The following DIAPH3 variants were observed in gnomAD, a reference collection of about 807,000 sequenced individuals.
DIAPH3 encodes protein diaphanous homolog 3.
In DIAPH3, 117 loss-of-function variants were observed where a neutral mutation model predicts 144.3. The observed-to-expected ratio is 0.81, with a 90% confidence interval of 0.70 to 0.95. DIAPH3 has a LOEUF of 0.95. Among genes scored for constraint, DIAPH3 ranks in the 40% least tolerant of loss-of-function variants. DIAPH3 has a pLI of 0.00. For synonymous variants in DIAPH3, 519 were observed against 488.9 expected, an observed-to-expected ratio of 1.06 and a Z score of -0.81; for missense variants, 1,421 against 1,412.7, an observed-to-expected ratio of 1.01 and a Z score of -0.09.
intron 2 of DIAPH3, among the ~76,000 whole-genome samples, chr13:60,113,760 AGTTAAACAAG>A (rs1351975450): frequency 6.6e-6 from 1 of 152,244 alleles, no homozygotes; most frequent in Non-Finnish European, 1.5e-5. Flanking sequence ...AAGAAGAATA[AGTTAAACAAG>A]GGTAAAGAAA....
chr13:60,138,785 G>GGGGAAGAGGGAAGA (rs57143670), intron 1 of DIAPH3, among the ~76,000 whole-genome samples: 27 of 76,038 alleles, frequency 3.6e-4, no homozygotes, highest in East Asian at 1.6e-3. Flanking sequence ...AGGAGAAGAA[G>GGGGAAGAGGGAAGA]GGGAAGAGGG....
intron 9 of DIAPH3, among the ~76,000 whole-genome samples, chr13:60,006,975 T>A (rs577247600): frequency 2.2e-4 from 33 of 152,242 alleles, no homozygotes; most frequent in African/African-American, 7.9e-4. Flanking sequence ...AACATAGGGT[T>A]CCTCACTGGC....
chr13:60,080,647 T>C (rs1183631983), intron 4 of DIAPH3, among the ~76,000 whole-genome samples: 2 of 151,964 alleles, frequency 1.3e-5, no homozygotes, highest in African/African-American at 4.8e-5. Flanking sequence ...TCATTTTTTT[T>C]CTTAAAAATG....
At chr13:60,010,835 G>C (rs2053197952) in intron 7 of DIAPH3, among the ~76,000 whole-genome samples, 166 bp from the exon 8 acceptor site, 1 of 152,144 alleles carries the variant, frequency 6.6e-6, no homozygotes, top group East Asian at 1.9e-4. Context: ...GCTGGGCACG[G>C]TGGTTCACGC....
chr13:60,091,885 C>G (rs1364434173), intron 4 of DIAPH3, among the ~76,000 whole-genome samples: 1 of 151,830 alleles, frequency 6.6e-6, no homozygotes, highest in Admixed American at 6.6e-5. Context: ...CTCTGTCACC[C>G]AGGCTGGAGT....
chr13:59,937,659 A>C (rs1446564793), intron 17 of DIAPH3, among the ~76,000 whole-genome samples: 1 of 152,200 alleles, frequency 6.6e-6, no homozygotes, highest in Admixed American at 6.5e-5. Context: ...GATCTGACAC[A>C]AAAATGACCA....
intron 18 of DIAPH3, among the ~76,000 whole-genome samples, chr13:59,918,384 G>T (rs1288037283): frequency 1.3e-5 from 2 of 152,186 alleles, no homozygotes; most frequent in Admixed American, 1.3e-4. Context: ...ACTGGTACCA[G>T]ACAGGAATCT....
At chr13:59,977,059 C>A (rs191137012) in intron 14 of DIAPH3, among the ~76,000 whole-genome samples, 1 of 151,734 alleles carries the variant, frequency 6.6e-6, no homozygotes, top group East Asian at 1.9e-4. Flanking sequence ...TTTCCCATTA[C>A]GCAATAAATA....
At chr13:60,036,596 G>A (rs897988691) in intron 5 of DIAPH3, among the ~76,000 whole-genome samples, 41 of 152,026 alleles carry the variant, frequency 2.7e-4, no homozygotes, top group Admixed American at 1.3e-3. Context: ...AAAGGAAAAA[G>A]AGAAAAGAAA....
intron 18 of DIAPH3, among the ~76,000 whole-genome samples, chr13:59,920,104 T>C (rs1004131474): frequency 1.3e-5 from 2 of 151,720 alleles, no homozygotes; most frequent in African/African-American, 4.8e-5. Context: ...TAATCACTTA[T>C]CCAGAAAGGA....
intron 5 of DIAPH3, among the ~76,000 whole-genome samples, chr13:60,037,606 G>C (rs1210173484): frequency 6.6e-6 from 1 of 151,854 alleles, no homozygotes; most frequent in Non-Finnish European, 1.5e-5. Context: ...CAATCCAAAA[G>C]AAGTTAAGGA....
chr13:59,964,441 T>C (rs1396237422), intron 17 of DIAPH3, among the ~76,000 whole-genome samples: 3 of 152,164 alleles, frequency 2.0e-5, no homozygotes, highest in South Asian at 2.1e-4. Context: ...GCAAGAAACA[T>C]GTCTATTTAT....
At chr13:59,810,672 T>A (rs1470208048) in intron 25 of DIAPH3, 116 bp downstream of exon 25, 1 of 1,138,180 alleles carries the variant, frequency 8.8e-7, no homozygotes, top group East Asian at 2.5e-5. Flanking sequence ...ATGGTTTAAT[T>A]ACAGAAACAA....
intron 5 of DIAPH3, among the ~76,000 whole-genome samples, chr13:60,031,034 GA>G (rs1201904272): frequency 3.9e-5 from 6 of 152,188 alleles, no homozygotes; most frequent in African/African-American, 1.4e-4. Flanking sequence ...TTGCTATAAA[GA>G]AATGCCTGAG....
intron 24 of DIAPH3, among the ~76,000 whole-genome samples, chr13:59,821,908 A>G (rs1375792697): frequency 6.6e-6 from 1 of 152,196 alleles, no homozygotes; most frequent in African/African-American, 2.4e-5. Context: ...CCTTTGAGGA[A>G]CAAACTAGAA....
intron 20 of DIAPH3, among the ~76,000 whole-genome samples, chr13:59,908,908 G>C (rs1033475816): frequency 6.6e-6 from 1 of 152,128 alleles, no homozygotes; most frequent in African/African-American, 2.4e-5. Flanking sequence ...AGCTGGGAAA[G>C]CACTAACACT....
intron 4 of DIAPH3, among the ~76,000 whole-genome samples, chr13:60,082,530 C>T (rs928578111): frequency 8.8e-5 from 13 of 147,286 alleles, no homozygotes; most frequent in Non-Finnish European, 4.5e-5. Context: ...ACAACAATGC[C>T]ATTAAGCTTT....
At chr13:59,779,376 G>A (rs1247555714) in intron 25 of DIAPH3, among the ~76,000 whole-genome samples, 2 of 152,122 alleles carry the variant, frequency 1.3e-5, no homozygotes, top group Admixed American at 1.3e-4. Context: ...TTGATAAATT[G>A]CTAAGTGATA....
intron 4 of DIAPH3, among the ~76,000 whole-genome samples, chr13:60,083,125 C>T (rs2057618791): frequency 6.6e-6 from 1 of 151,982 alleles, no homozygotes; most frequent in Admixed American, 6.6e-5. Context: ...GCTTGATCAT[C>T]AGATCAAAAT....
Sources: gnomAD v4.1 joint callset for allele counts (sites outside exome capture counted in the v4.1 genomes callset) on GRCh38, gnomAD v4.1.1 for gene constraint, MANE v1.5 for transcripts, NCBI Gene and HGNC (gene_info 2026-07-23, HGNC 2026-07-21) for gene names.